The following UBE2G2 variants were observed in gnomAD, a reference collection of about 807,000 sequenced individuals.
UBE2G2 encodes the protein ubiquitin conjugating enzyme E2 G2, also known as ubiquitin-conjugating enzyme E2 G2.
In UBE2G2, 10 loss-of-function variants were observed where a neutral mutation model predicts 23.0. That is an observed-to-expected ratio of 0.43 (90% confidence interval 0.27 to 0.74). The LOEUF (loss-of-function observed/expected upper bound fraction) is 0.74, where lower values mean the gene tolerates loss of function less well. Ranked by LOEUF, UBE2G2 falls within the 30% of genes least tolerant of loss-of-function variation. The pLI, the probability that UBE2G2 is intolerant of heterozygous loss-of-function variation, is 0.19. For missense variants in UBE2G2, 150 were observed against 218.3 expected (o/e 0.69, Z 1.97); for synonymous variants, 86 against 81.3 (o/e 1.06, Z -0.31).
chr21:44,797,740 A>AAAAAAAAAAAAAAG (rs781868771), intron 1 of UBE2G2, among the ~76,000 whole-genome samples: 1 of 114,302 alleles, frequency 8.7e-6, no homozygotes, highest in African/African-American at 3.2e-5. Context: ...AAAAAAAAAA[A>AAAAAAAAAAAAAAG]AGAGAAAATA....
Position 44,793,662 on chromosome 21 carries a change from A to G in UBE2G2, c.44-5567T>C, listed in dbSNP as rs563618519. 4.4e-4 allele frequency among the ~76,000 whole-genome samples: 67 copies of G among 152,350 alleles called. No homozygotes were observed. The Middle Eastern group carries it at 0.01, about 23-fold the overall frequency. On this transcript the variant is annotated intron_variant, in intron 1 of 5. Coordinates refer to ENST00000345496, the MANE Select transcript of UBE2G2 (RefSeq NM_003343.6). Reference sequence around the variant, plus strand: ...TTACTGATAAGAAACAAGTTCAAAAAAAGAGACGAATCTTGGTATCAGGGA... The same window carrying G: ...TTACTGATAAGAAACAAGTTCAAAAGAAGAGACGAATCTTGGTATCAGGGA...
intron 1 of UBE2G2, among the ~76,000 whole-genome samples, chr21:44,795,390 G>C (rs999442244): frequency 6.6e-6 from 1 of 152,188 alleles, no homozygotes; most frequent in Non-Finnish European, 1.5e-5. Flanking sequence ...CCAACACTTT[G>C]GAAGGCCAAG....
chr21:44,773,533 G>C lies in UBE2G2; in HGVS notation c.385+14C>G, dbSNP rs1555960177. The C allele has an allele frequency of 6.2e-7, 1 of 1,604,314 alleles. No individual in the cohort carries two copies. Among genetic ancestry groups the C allele is most frequent in the Non-Finnish European group, 8.5e-7 (1 of 1,178,758 alleles). ...GTGTCCACGGCAGCTCCTGCCAGGA[G>C]GCTCGGGCCTTACCTGCCAGCATGC... On this transcript the variant is annotated intron_variant, in intron 5 of 5. Transcript: ENST00000345496.
At chr21:44,789,557 C>T (rs1433138082) in intron 1 of UBE2G2, among the ~76,000 whole-genome samples, 2 of 152,002 alleles carry the variant, frequency 1.3e-5, no homozygotes, top group Non-Finnish European at 1.5e-5. Flanking sequence ...GACCCTGACT[C>T]GAGGGAACAC....
At chr21:44,779,510 C>G (rs1400312064) in intron 3 of UBE2G2, among the ~76,000 whole-genome samples, 1 of 151,922 alleles carries the variant, frequency 6.6e-6, no homozygotes, top group Non-Finnish European at 1.5e-5. Context: ...GATGAGTACC[C>G]CCCCCGGCCC....
At chr21:44,780,531 T>C (rs2082947922) in intron 3 of UBE2G2, among the ~76,000 whole-genome samples, 1 of 152,234 alleles carries the variant, frequency 6.6e-6, no homozygotes, top group African/African-American at 2.4e-5. Flanking sequence ...ATTGAAATCA[T>C]GACCTAAACT....
Position 44,773,622 on chromosome 21 carries a change from C to A in UBE2G2, c.310G>T (p.Glu104Ter). 6.2e-7 allele frequency: 1 copy of A among 1,612,634 alleles called. No individual in the cohort carries two copies. Among genetic ancestry groups the A allele is most frequent in the Non-Finnish European group, 8.5e-7 (1 of 1,180,026 alleles). The change falls in exon 5 of 6, where the codon GAG becomes TAG. Residue 104 changes from glutamate (E) to a stop codon, truncating the protein, a stop_gained. Coordinates refer to ENST00000345496, the MANE Select transcript of UBE2G2 (RefSeq NM_003343.6). LOFTEE classifies it high-confidence loss of function. ...HAPGDDPMGY[E>*]SSAERWSPVQ... is the part of the protein sequence containing the mutation. ...GGACTCCACCGCTCCGCGCTGCTCTCGTAGCCCATGGGGTCATCGCCTGGC... is the reference window on the plus strand; with the variant it reads ...GGACTCCACCGCTCCGCGCTGCTCTAGTAGCCCATGGGGTCATCGCCTGGC...
chr21:44,784,803 C>T lies in UBE2G2; in HGVS notation c.125+3117G>A, dbSNP rs118094339. 7.0e-3 allele frequency among the ~76,000 whole-genome samples: 1,067 copies of T among 152,294 alleles called. 12 individuals carry two copies. The highest frequency in any genetic ancestry group is 0.01 in the Middle Eastern group (3 of 294). On this transcript the variant is annotated intron_variant, in intron 3 of 5. Coordinates refer to ENST00000345496, the MANE Select transcript of UBE2G2 (RefSeq NM_003343.6). Reference sequence around the variant, plus strand: ...AAGGAAGGTCCTTCTTATTTCACCACAGCCTCTAGAACCACTGGTCTGGGG... The same window carrying T: ...AAGGAAGGTCCTTCTTATTTCACCATAGCCTCTAGAACCACTGGTCTGGGG...
chr21:44,784,011 C>T, intron 3 of UBE2G2, among the ~76,000 whole-genome samples: 1 of 152,098 alleles, frequency 6.6e-6, no homozygotes, highest in East Asian at 1.9e-4. Context: ...TAAAAACTAG[C>T]TGGGCGTGGT....
rs559054572 is a variant in UBE2G2 at position 44,773,042 on chromosome 21, A to G, written c.385+505T>C. Among the ~76,000 whole-genome samples the G allele has an allele frequency of 7.9e-5, 12 of 152,122 alleles. 1 individual carries two copies. The highest frequency in any genetic ancestry group is 7.8e-4 in the Admixed American group (12 of 15,288). On this transcript the variant is annotated intron_variant, in intron 5 of 5. Transcript: ENST00000345496. ...AGCCCAGGCTGCTTCCTTTGCCCCA[A>G]AACCCCATTCCCTCCCTCCTACCTC...
At chr21:44,783,629 T>G (rs1184115495) in intron 3 of UBE2G2, among the ~76,000 whole-genome samples, 1 of 152,210 alleles carries the variant, frequency 6.6e-6, no homozygotes, top group Non-Finnish European at 1.5e-5. Context: ...GATTAGACAG[T>G]GTATGATTCC....
At chr21:44,780,721 C>T (rs1327554958) in intron 3 of UBE2G2, among the ~76,000 whole-genome samples, 1 of 152,234 alleles carries the variant, frequency 6.6e-6, no homozygotes, top group African/African-American at 2.4e-5. Context: ...TCCCTCCTCA[C>T]AAAGGACAAC....
At chr21:44,779,429 G>A (rs1255146768) in intron 3 of UBE2G2, among the ~76,000 whole-genome samples, 2 of 151,554 alleles carry the variant, frequency 1.3e-5, no homozygotes, top group South Asian at 2.1e-4. Flanking sequence ...CACAGGGAAC[G>A]CCACCGAGGG....
intron 3 of UBE2G2, among the ~76,000 whole-genome samples, chr21:44,782,684 G>C (rs2082965778): frequency 6.6e-6 from 1 of 152,162 alleles, no homozygotes; most frequent in African/African-American, 2.4e-5. Flanking sequence ...TTATGCAATG[G>C]GGAAAGAACT....
rs781934940 is a variant in UBE2G2, at chr21:44,777,429, A to G, written c.126-12T>C. On this transcript the variant is annotated splice_polypyrimidine_tract_variant and intron_variant, in intron 3 of 5. Transcript: ENST00000345496. ...TGTCTTCTGGGCCCCTAGAAGATAT[A>G]AAATACGTAGACTGAACTTCAAAGT... The G allele has an allele frequency of 6.2e-7, 1 of 1,611,316 alleles. No individual in the cohort carries two copies. The highest frequency in any genetic ancestry group is 8.5e-7 in the Non-Finnish European group (1 of 1,177,480).
intron 3 of UBE2G2, among the ~76,000 whole-genome samples, chr21:44,778,702 G>A (rs1239074719): frequency 6.6e-6 from 1 of 152,206 alleles, no homozygotes; most frequent in African/African-American, 2.4e-5. Context: ...AATGACAGCG[G>A]CAGACAACGA....
intron 1 of UBE2G2, among the ~76,000 whole-genome samples, chr21:44,797,740 A>AAAAAAAAAAAAAAAAAG (rs781868771): frequency 1.7e-5 from 2 of 114,302 alleles, no homozygotes; most frequent in African/African-American, 3.2e-5. Context: ...AAAAAAAAAA[A>AAAAAAAAAAAAAAAAAG]AGAGAAAATA....
chr21:44,778,227 T>C (rs914516480), intron 3 of UBE2G2, among the ~76,000 whole-genome samples: 22 of 152,254 alleles, frequency 1.4e-4, no homozygotes, highest in Non-Finnish European at 1.2e-4. Flanking sequence ...AAGGCATCTT[T>C]GCAACCTTCA....
At chr21:44,788,002 TTGAAGG>T in intron 2 of UBE2G2, 37 bp from the exon 3 acceptor site, 5 of 1,610,930 alleles carry the variant, frequency 3.1e-6, no homozygotes, top group Non-Finnish European at 4.2e-6. Context: ...CATTTTAACT[TTGAAGG>T]AACTTTGGCA....
Sources: allele counts gnomAD v4.1 joint callset (sites outside exome capture counted in the v4.1 genomes callset), GRCh38; gene constraint gnomAD v4.1.1; transcripts MANE v1.5; gene names NCBI Gene and HGNC (gene_info 2026-07-23, HGNC 2026-07-21).